Variants in GTF2F1 observed in about 807,000 individuals in gnomAD.
The protein encoded by GTF2F1 is general transcription factor IIF subunit 1.
Under a neutral mutation model 63.5 loss-of-function variants are expected in GTF2F1, and 39 were observed. The observed-to-expected ratio is 0.61, with a 90% CI of 0.48 to 0.80. The LOEUF (loss-of-function observed/expected upper bound fraction) is 0.80. Ranked by LOEUF, GTF2F1 falls within the 30% of genes least tolerant of loss-of-function variation. The pLI, the probability that GTF2F1 is intolerant of heterozygous loss-of-function variation, is 0.00. For missense variants in GTF2F1, 657 were observed against 718.3 expected (o/e 0.91, Z 0.97); for synonymous variants, 287 against 285.3 (o/e 1.01, Z -0.06).
chr19:6,387,420 T>C lies in GTF2F1; in HGVS notation c.466A>G (p.Thr156Ala), dbSNP rs774904382. Residue 156 changes from threonine to alanine, a missense_variant, in exon 5 of 13, where the codon ACT (threonine) becomes GCT (alanine). Coordinates refer to ENST00000394456, the MANE Select transcript of GTF2F1 (RefSeq NM_002096.3). ...CACTCCTCCTCGGCCTCCTCGGCAGTGAGCGTGCGATGCCGGGCCAGCGGT... is the reference window on the plus strand; with the variant it reads ...CACTCCTCCTCGGCCTCCTCGGCAGCGAGCGTGCGATGCCGGGCCAGCGGT... ...FTPLARHRTL[T>A]AEEAEEEWER... 6.2e-7 allele frequency: 1 copy of C among 1,614,202 alleles called. No homozygotes were observed. The highest frequency in any genetic ancestry group is 8.5e-7 in the Non-Finnish European group (1 of 1,180,012).
chr19:6,385,989 T>C (rs2091972413), intron 5 of GTF2F1, among the ~76,000 whole-genome samples: 1 of 152,162 alleles, frequency 6.6e-6, no homozygotes, highest in East Asian at 1.9e-4. Context: ...GGCCAGAGAA[T>C]GGCATGAACC....
At chr19:6,387,267 A>G in intron 5 of GTF2F1, 122 bp downstream of exon 5, 3 of 890,552 alleles carry the variant, frequency 3.4e-6, no homozygotes, top group Non-Finnish European at 5.2e-6. Context: ...GAGACGGCCG[A>G]GTGGGGTCTG....
chr19:6,380,761 G>T lies in GTF2F1; in HGVS notation c.1232-71C>A, dbSNP rs2091944034. ...ACCCCTGGGCAGGACCCCAGGCTGG[G>T]CAGTGCCAGGATTAGGGTTCAAGGG... On this transcript the variant is annotated intron_variant, in intron 11 of 12. Coordinates refer to ENST00000394456, the MANE Select transcript of GTF2F1 (RefSeq NM_002096.3). The surrounding 1 kb of genome is among the most constrained non-coding windows in gnomAD (Gnocchi z 5.3). The T allele has an allele frequency of 2.6e-6, 4 of 1,564,166 alleles. No homozygotes were observed. In the African/African-American group the frequency reaches 5.4e-5, roughly 21 times the overall value.
At chr19:6,389,078 C>T (rs2091985295) in intron 4 of GTF2F1, among the ~76,000 whole-genome samples, 2 of 151,948 alleles carry the variant, frequency 1.3e-5, no homozygotes, top group Non-Finnish European at 2.9e-5. Flanking sequence ...ACTAAAAATA[C>T]AAAAATTAGC....
Position 6,380,030 on chromosome 19 carries a change from C to T in GTF2F1, c.*251G>A. The T allele has an allele frequency of 1.8e-6, 1 of 563,374 alleles. No homozygotes were observed. Among genetic ancestry groups the T allele is most frequent in the Non-Finnish European group, 3.2e-6 (1 of 314,264 alleles). 34.9% of individuals were successfully genotyped at this position (563,374 alleles called of 1,614,324 possible). A position where few individuals can be genotyped will look rare whatever the true frequency, so the allele number is the denominator to read the frequency against. On this transcript the variant is annotated 3_prime_UTR_variant, in exon 13 of 13. Coordinates refer to ENST00000394456, the MANE Select transcript of GTF2F1 (RefSeq NM_002096.3). The surrounding 1 kb of genome is among the most constrained non-coding windows in gnomAD (Gnocchi z 5.3). ...GGAGGCCGAGCCAGGAGGAGGAGGACAATAAGAAGGCCTAACAGGCATCTG... is the reference window on the plus strand; with the variant it reads ...GGAGGCCGAGCCAGGAGGAGGAGGATAATAAGAAGGCCTAACAGGCATCTG...
In GTF2F1 at chr19:6,387,961, G is replaced by A. The variant is rs891052419; in HGVS notation, c.327-402C>T. On this transcript the variant is annotated intron_variant, in intron 4 of 12. Transcript: ENST00000394456. ...ATTTTTTTTTTTGAGATGGAGTCTC[G>A]CTCTGGCACCCAGGCTGGAGTGCAG... Among the ~76,000 whole-genome samples the A allele has an allele frequency of 3.3e-5, 5 of 149,506 alleles. 1 individual carries two copies. Among genetic ancestry groups the A allele is most frequent in the Middle Eastern group, 3.2e-3 (1 of 314 alleles).
chr19:6,392,188 A>C (rs1417926337), intron 2 of GTF2F1: 4 of 608,140 alleles, frequency 6.6e-6, no homozygotes, highest in African/African-American at 1.8e-5. Flanking sequence ...AATTCAATTC[A>C]CTCAACAAAC....
At position 6,383,695 on chromosome 19, in the gene GTF2F1, CT is replaced by C. The variant is rs1361440441; in HGVS notation, c.498-201del. On this transcript the variant is annotated intron_variant, in intron 5 of 12. Transcript: ENST00000394456. The surrounding 1 kb of genome is among the most constrained non-coding windows in gnomAD (Gnocchi z 4.5). Reference sequence around the variant, plus strand: ...TGCCTTCCCGTTCTGCCCCGAGTCCCTCAAAGAGCAGGTCCCCATGTGCTGC... The same window carrying C: ...TGCCTTCCCGTTCTGCCCCGAGTCCCCAAAGAGCAGGTCCCCATGTGCTGC... 6.6e-6 allele frequency among the ~76,000 whole-genome samples: 1 copy of C among 152,224 alleles called. No individual in the cohort carries two copies. Among genetic ancestry groups the C allele is most frequent in the African/African-American group, 2.4e-5 (1 of 41,456 alleles).
intron 5 of GTF2F1, among the ~76,000 whole-genome samples, chr19:6,385,050 C>T (rs1181023898): frequency 2.0e-5 from 3 of 152,166 alleles, no homozygotes; most frequent in African/African-American, 4.8e-5. Context: ...CCGCTCTCCA[C>T]GTGCCCAGCC....
chr19:6,389,141 CA>C (rs2091985687), intron 4 of GTF2F1, among the ~76,000 whole-genome samples: 2 of 151,772 alleles, frequency 1.3e-5, no homozygotes, highest in Admixed American at 6.6e-5. Flanking sequence ...GAGGCTCAGG[CA>C]GGAGAATAAC....
In GTF2F1 at chr19:6,383,308, C is replaced by A; in HGVS notation, c.682+3G>T. Reference sequence around the variant, plus strand: ...GACCTAATGCCCAGGCGCCCGTACTCACCCTCCTCACCACTGGCATCACTG... The same window carrying A: ...GACCTAATGCCCAGGCGCCCGTACTAACCCTCCTCACCACTGGCATCACTG... On this transcript the variant is annotated splice_donor_region_variant and intron_variant, in intron 6 of 12. Transcript: ENST00000394456. The surrounding 1 kb of genome is among the most constrained non-coding windows in gnomAD (Gnocchi z 4.5). 6.2e-7 allele frequency: 1 copy of A among 1,613,626 alleles called. No individual in the cohort carries two copies.
intron 2 of GTF2F1, 140 bp downstream of exon 2, chr19:6,392,717 A>T: frequency 1.2e-6 from 1 of 824,944 alleles, no homozygotes; most frequent in Non-Finnish European, 2.1e-6. Context: ...GCCTCAGCTT[A>T]ATCCCAGCCC....
chr19:6,392,989 C>T lies in GTF2F1; in HGVS notation c.7G>A (p.Ala3Thr). Residue 3 changes from alanine to threonine, a missense_variant, in exon 1 of 13, where the codon GCC (alanine) becomes ACC (threonine). By Grantham distance (58) the Ala-to-Thr change is moderately conservative. Around this residue, in one of 2 missense-constraint regions of GTF2F1, gnomAD observed 602 missense variants for 625.6 expected, o/e 0.96. Coordinates refer to ENST00000394456, the MANE Select transcript of GTF2F1 (RefSeq NM_002096.3). ...CCCGCCAAATCCACACTCACTAGGG[C>T]CGCCATGGGCAATGGTCAGTGGTTC... MA[A>T]LGPSSQNVTE... The T allele has an allele frequency of 6.2e-7, 1 of 1,614,126 alleles. No homozygotes were observed.
rs1027436046 is a variant in GTF2F1 at position 6,380,377 on chromosome 19, G to A, written c.1458C>T (p.Ser486=). The A allele has an allele frequency of 1.2e-5, 20 of 1,613,980 alleles. No individual in the cohort carries two copies. The highest frequency in any genetic ancestry group is 1.0e-4 in the Admixed American group (6 of 59,984). The part of the protein sequence containing the change: ...KFQTKKTGLS[S]EQTVNVLAQI... ...GGGCCAACACGTTCACTGTCTGCTC[G>A]CTGCTCAGCCCTGTCTTCTTGGTCT... is the stretch of plus-strand genomic sequence containing the variant. The change falls in exon 13 of 13, where the codon AGC becomes AGT. Residue 486 remains serine (S), a synonymous_variant. Transcript: ENST00000394456. This position sits in a 1 kb window ranked among gnomAD's most constrained non-coding sequence, Gnocchi z 5.3.
rs1209178449 is a variant in GTF2F1, at chr19:6,381,213, G to A, written c.1019-18C>T. On this transcript the variant is annotated intron_variant, in intron 9 of 12. Coordinates refer to ENST00000394456, the MANE Select transcript of GTF2F1 (RefSeq NM_002096.3). This position sits in a 1 kb window ranked among gnomAD's most constrained non-coding sequence, Gnocchi z 4.1. Reference sequence around the variant, plus strand: ...GCTGCTGTCTGCGGGGCACAGGAAAGGGGTCAGGGCCAGAGCAACCCCGGG... The same window carrying A: ...GCTGCTGTCTGCGGGGCACAGGAAAAGGGTCAGGGCCAGAGCAACCCCGGG... The A allele has an allele frequency of 1.9e-6, 3 of 1,600,948 alleles. No homozygotes were observed. Among genetic ancestry groups the A allele is most frequent in the Non-Finnish European group, 2.6e-6 (3 of 1,174,476 alleles).
intron 5 of GTF2F1, among the ~76,000 whole-genome samples, chr19:6,386,527 G>A (rs1691232040): frequency 6.6e-6 from 1 of 152,134 alleles, no homozygotes; most frequent in African/African-American, 2.4e-5. Flanking sequence ...ATCACTGCAA[G>A]CTCCGCCTCC....
At chr19:6,387,277 G>T in intron 5 of GTF2F1, 112 bp downstream of exon 5, 1 of 1,037,110 alleles carries the variant, frequency 9.6e-7, no homozygotes, top group Non-Finnish European at 1.4e-6. Context: ...AGTGGGGTCT[G>T]CCCTGGTTAC....
chr19:6,381,439 T>G lies in GTF2F1; in HGVS notation c.938A>C (p.Glu313Ala). The change falls in exon 9 of 13, where the codon GAG (glutamate) becomes GCG (alanine). Residue 313 changes from glutamate to alanine, a missense_variant. Physicochemically the swap from Glu to Ala is moderately radical, Grantham distance 107. This residue lies in a region of GTF2F1 where 602 missense variants were observed against 625.6 expected (regional missense o/e 0.96). Transcript: ENST00000394456. The surrounding 1 kb of genome is among the most constrained non-coding windows in gnomAD (Gnocchi z 4.1). Reference protein sequence around the residue: ...EQSDSSEESEEEKPPEEDKEE... With the variant: ...EQSDSSEESEAEKPPEEDKEE... ...CTTGTCCTCCTCAGGCGGCTTCTCC[T>G]CCTCACTCTCCTCACTACTGTCGCT... 1 of 1,609,276 alleles carries G rather than the reference T, an allele frequency of 6.2e-7. No homozygotes were observed. The highest frequency in any genetic ancestry group is 1.1e-5 in the South Asian group (1 of 91,052).
At chr19:6,389,892 C>G (rs1214864125) in intron 3 of GTF2F1, among the ~76,000 whole-genome samples, 2 of 152,214 alleles carry the variant, frequency 1.3e-5, no homozygotes, top group Non-Finnish European at 2.9e-5. Context: ...AAAAGACCAC[C>G]TGGTGACCAT....
Sources: gnomAD v4.1 joint callset for allele counts (sites outside exome capture counted in the v4.1 genomes callset) on GRCh38, gnomAD v4.1.1 for gene constraint, gnomAD v4.1.1 regional missense constraint, Gnocchi (gnomAD v3.1) non-coding constraint, MANE v1.5 for transcripts, NCBI Gene and HGNC (gene_info 2026-07-23, HGNC 2026-07-21) for gene names.